The following QTGAL variants were observed in gnomAD, a reference collection of about 807,000 sequenced individuals.
QTGAL encodes BGnT-like protein 1.
At chr17:83,028,252 C>T in the QTGAL span, among the ~76,000 whole-genome samples, 67 of 150,754 alleles carry the variant, frequency 4.4e-4, no homozygotes, top group African/African-American at 1.3e-3. Context: ...AGGCCGGGCG[C>T]GGTGGCTCAC....
At chr17:83,044,945 CA>C in the QTGAL span, among the ~76,000 whole-genome samples, 98 of 131,760 alleles carry the variant, frequency 7.4e-4, no homozygotes, top group Non-Finnish European at 7.6e-4. Flanking sequence ...GACTCTGTCT[CA>C]AAAAAAAAAA....
the QTGAL span, among the ~76,000 whole-genome samples, chr17:83,033,046 G>A: frequency 2.0e-5 from 3 of 152,252 alleles, no homozygotes; most frequent in Admixed American, 1.3e-4. Flanking sequence ...TGGAGACGCT[G>A]AGCGGCACCC....
chr17:82,978,202 TC>T, the QTGAL span, among the ~76,000 whole-genome samples: 2 of 152,262 alleles, frequency 1.3e-5, no homozygotes, highest in Admixed American at 1.3e-4. The surrounding 1 kb of genome is among the most constrained non-coding windows in gnomAD (Gnocchi z 4.8). Context: ...CCCTGCCTCC[TC>T]CTGGGGTCCC....
the QTGAL span, among the ~76,000 whole-genome samples, chr17:83,044,242 A>G: frequency 1.3e-5 from 2 of 152,370 alleles, no homozygotes; most frequent in Non-Finnish European, 1.5e-5. Flanking sequence ...CTTCAACAAC[A>G]TACTAGCAAA....
chr17:83,043,722 T>A, the QTGAL span, among the ~76,000 whole-genome samples: 1 of 152,126 alleles, frequency 6.6e-6, no homozygotes, highest in Admixed American at 6.5e-5. Context: ...AAAGAGTTGA[T>A]TCTTTGAAGA....
chr17:83,001,895 G>A, the QTGAL span, among the ~76,000 whole-genome samples: 1 of 151,960 alleles, frequency 6.6e-6, no homozygotes. Flanking sequence ...TCAGCCTCCC[G>A]AGAAACTGGG....
At chr17:83,025,222 C>A in the QTGAL span, among the ~76,000 whole-genome samples, 1 of 90,932 alleles carries the variant, frequency 1.1e-5, no homozygotes, top group Non-Finnish European at 2.2e-5. Context: ...CTGTGAAGTC[C>A]ACACACACAC....
the QTGAL span, among the ~76,000 whole-genome samples, chr17:82,985,237 TCAAA>T: frequency 6.6e-6 from 1 of 152,202 alleles, no homozygotes; most frequent in Admixed American, 6.5e-5. Flanking sequence ...ATCAGGCATG[TCAAA>T]CAGACACATC....
chr17:82,959,870 T>C, the QTGAL span, among the ~76,000 whole-genome samples: 1 of 152,076 alleles, frequency 6.6e-6, no homozygotes, highest in Non-Finnish European at 1.5e-5. Flanking sequence ...ATTTGGTTCA[T>C]CTTCATTTTT....
At chr17:83,001,454 A>G in the QTGAL span, among the ~76,000 whole-genome samples, 1 of 152,234 alleles carries the variant, frequency 6.6e-6, no homozygotes, top group Non-Finnish European at 1.5e-5. Flanking sequence ...GAAAGTGGAC[A>G]AGGAGGAGAA....
chr17:83,028,837 C>T, the QTGAL span, among the ~76,000 whole-genome samples: 1 of 152,232 alleles, frequency 6.6e-6, no homozygotes, highest in South Asian at 2.1e-4. Context: ...ATTCTAGTAA[C>T]CCGAACTGGA....
chr17:83,049,761 T>C, the QTGAL span, among the ~76,000 whole-genome samples: 1 of 152,158 alleles, frequency 6.6e-6, no homozygotes, highest in African/African-American at 2.4e-5. Context: ...CTACACTTCG[T>C]TTCGGGCTAG....
At chr17:82,975,821 G>A in the QTGAL span, among the ~76,000 whole-genome samples, 21 of 105,486 alleles carry the variant, frequency 2.0e-4, 1 homozygote, top group Non-Finnish European at 3.3e-4. Context: ...GGGGCCGGAG[G>A]CCACTTATGG....
chr17:82,950,954 A>G, the QTGAL span, among the ~76,000 whole-genome samples: 12 of 152,176 alleles, frequency 7.9e-5, no homozygotes, highest in Non-Finnish European at 1.5e-4. Flanking sequence ...GAATCCTAGG[A>G]TTCTCAGAAT....
At chr17:83,051,286 G>A in the QTGAL span, among the ~76,000 whole-genome samples, 1 of 148,790 alleles carries the variant, frequency 6.7e-6, no homozygotes, top group Non-Finnish European at 1.5e-5. Context: ...GGCGGGGCAG[G>A]TGCGCAGGAG....
At chr17:83,040,840 C>T in the QTGAL span, among the ~76,000 whole-genome samples, 30,236 of 151,950 alleles carry the variant, frequency 0.2, 3,584 homozygotes, top group East Asian at 0.43. Flanking sequence ...CCGAGGCAGG[C>T]GGATCACAAG....
At chr17:83,014,610 C>T in the QTGAL span, 1 of 1,404,900 alleles carries the variant, frequency 7.1e-7, no homozygotes. Flanking sequence ...GGCTGGAGTG[C>T]AACGGCACAA....
At chr17:83,044,669 C>A in the QTGAL span, among the ~76,000 whole-genome samples, 2 of 152,184 alleles carry the variant, frequency 1.3e-5, no homozygotes, top group Non-Finnish European at 2.9e-5. Context: ...AAAAGCCAGG[C>A]GCGGCGGCTC....
chr17:83,005,136 C>T, the QTGAL span: 22 of 1,608,798 alleles, frequency 1.4e-5, no homozygotes, highest in South Asian at 1.1e-4. The surrounding 1 kb of genome is among the most constrained non-coding windows in gnomAD (Gnocchi z 5.6). Flanking sequence ...GCTGCTCCGG[C>T]GTCAGCTGGT....
Sources: allele counts gnomAD v4.1 joint callset (sites outside exome capture counted in the v4.1 genomes callset), GRCh38; gene constraint gnomAD v4.1.1; non-coding constraint Gnocchi (gnomAD v3.1); transcripts MANE v1.5; gene names NCBI Gene and HGNC (gene_info 2026-07-23, HGNC 2026-07-21).